Variants in TTC9C observed in about 807,000 individuals in gnomAD.
TTC9C encodes the protein tetratricopeptide repeat protein 9C.
In TTC9C, 15 loss-of-function variants were observed where a neutral mutation model predicts 22.5. The observed-to-expected ratio is 0.67, with a 90% CI of 0.45 to 1.03. The LOEUF (loss-of-function observed/expected upper bound fraction) is 1.03, where lower values mean the gene tolerates loss of function less well. Ranked by LOEUF, TTC9C falls within the 50% of genes least tolerant of loss-of-function variation. The pLI is 0.00. For missense variants in TTC9C, 244 were observed against 214.6 expected, an observed-to-expected ratio of 1.14 and a Z score of -0.86; for synonymous variants, 92 against 86.8, an observed-to-expected ratio of 1.06 and a Z score of -0.33.
chr11:62,734,625 T>C (rs1032433040), intron 1 of TTC9C, among the ~76,000 whole-genome samples: 1 of 150,528 alleles, frequency 6.6e-6, no homozygotes, highest in Admixed American at 6.6e-5. Flanking sequence ...GGAATACACT[T>C]CTTATAACAC....
At chr11:62,732,411 C>T (rs563802996) in intron 1 of TTC9C, among the ~76,000 whole-genome samples, 44 of 151,410 alleles carry the variant, frequency 2.9e-4, no homozygotes, top group South Asian at 6.3e-4. Flanking sequence ...GAGTTCAAGA[C>T]CAGCCTGACC....
chr11:62,732,972 CTT>C (rs143308039), intron 1 of TTC9C: 2,916 of 199,968 alleles, frequency 0.015, 1 homozygote, highest in South Asian at 0.036. Context: ...TATTCCTCCA[CTT>C]TTTTTTTTTT....
chr11:62,730,322 G>A (rs1205400024), intron 1 of TTC9C, among the ~76,000 whole-genome samples: 3 of 151,906 alleles, frequency 2.0e-5, no homozygotes, highest in Admixed American at 6.6e-5. Flanking sequence ...TGATTCGCCC[G>A]CCTCGGCCTC....
rs918506509 is a variant in TTC9C, at chr11:62,728,554, C to T, written c.-295C>T. ...GCCTTGCTTGAGTTCTTCGGAAAGTCTCATCCACCCCCACATCGCCTCTTT... is the reference window on the plus strand; with the variant it reads ...GCCTTGCTTGAGTTCTTCGGAAAGTTTCATCCACCCCCACATCGCCTCTTT... On this transcript the variant is annotated 5_prime_UTR_variant, in exon 1 of 3. Transcript: ENST00000316461. 3.8e-6 allele frequency: 2 copies of T among 528,576 alleles called. No individual in the cohort carries two copies. Among genetic ancestry groups the T allele is most frequent in the Non-Finnish European group, 7.3e-6 (2 of 274,796 alleles). The allele number at this position is 528,576 out of a possible 1,614,324, so 32.7% of individuals were successfully genotyped here.
intron 1 of TTC9C, among the ~76,000 whole-genome samples, chr11:62,732,601 A>G (rs1373324610): frequency 7.6e-6 from 1 of 131,500 alleles, no homozygotes; most frequent in Non-Finnish European, 1.6e-5. Flanking sequence ...AACAAGAGCA[A>G]AACTCCGTCT....
chr11:62,732,182 A>T (rs867144799), intron 1 of TTC9C, among the ~76,000 whole-genome samples: 30 of 150,968 alleles, frequency 2.0e-4, no homozygotes, highest in Middle Eastern at 3.4e-3. Context: ...TTTTTAGTAG[A>T]GACGGGGTTT....
chr11:62,738,164 A>G lies in TTC9C; in HGVS notation c.422-124A>G. On this transcript the variant is annotated intron_variant, in intron 2 of 2. Transcript: ENST00000316461. ...TTTACTATTGCATAGAATGGTTGCG[A>G]TATATTCAGATCTTGGAGAGATTTT... 3 of 543,238 alleles carry G rather than the reference A, an allele frequency of 5.5e-6. No individual in the cohort carries two copies. In the East Asian group the frequency reaches 8.9e-5, roughly 16 times the overall value. The allele number at this position is 543,238 out of a possible 1,614,324, so 33.7% of individuals were successfully genotyped here. A position where few individuals can be genotyped will look rare whatever the true frequency, so the allele number is the denominator to read the frequency against.
rs1178036796 is a variant in TTC9C at position 62,730,064 on chromosome 11, C to T, written c.238+978C>T. On this transcript the variant is annotated intron_variant, in intron 1 of 2. Coordinates refer to ENST00000316461, the MANE Select transcript of TTC9C (RefSeq NM_173810.4). The stretch of plus-strand genomic sequence containing the variant: ...ATATTCAGTGGGTCGTATAGCTTTT[C>T]CTCATTTTTCTTTTCCTTTTTCTTT... Among the ~76,000 whole-genome samples, 3 of 152,130 alleles carry T rather than the reference C, an allele frequency of 2.0e-5. No homozygotes were observed. The East Asian group carries it at 5.8e-4, about 29-fold the overall frequency.
intron 2 of TTC9C, chr11:62,735,995 T>C (rs965191114): frequency 6.6e-6 from 1 of 152,082 alleles, no homozygotes; most frequent in African/African-American, 2.4e-5. Context: ...CTCAGCACTT[T>C]GGGAGACCAA....
chr11:62,733,416 G>A (rs1590912382), intron 1 of TTC9C, among the ~76,000 whole-genome samples: 1 of 149,656 alleles, frequency 6.7e-6, no homozygotes, highest in South Asian at 2.1e-4. Flanking sequence ...GTGTAGATGC[G>A]AAGATTAAAC....
upstream of TTC9C, chr11:62,728,288 A>C (rs2134793461): frequency 2.9e-6 from 1 of 344,434 alleles, no homozygotes; most frequent in South Asian, 2.2e-5. Context: ...TGCAGCTGTG[A>C]CGCTTATGTG....
intron 1 of TTC9C, among the ~76,000 whole-genome samples, chr11:62,734,120 G>A (rs893097724): frequency 3.3e-5 from 5 of 151,844 alleles, no homozygotes; most frequent in East Asian, 1.9e-4. Flanking sequence ...CCAACATGGC[G>A]AAAACCCATC....
intron 2 of TTC9C, among the ~76,000 whole-genome samples, chr11:62,738,019 C>T (rs1205474641): frequency 6.6e-6 from 1 of 151,442 alleles, no homozygotes; most frequent in Non-Finnish European, 1.5e-5. Flanking sequence ...GGTGACAGAG[C>T]GAGACCCTGT....
Position 62,738,444 on chromosome 11 carries a change from A to G in TTC9C, c.*62A>G. On this transcript the variant is annotated 3_prime_UTR_variant, in exon 3 of 3. Coordinates refer to ENST00000316461, the MANE Select transcript of TTC9C (RefSeq NM_173810.4). ...GGACCATTAAACATGCATGAAGGAG[A>G]AATCTGAGCCTCAGCAAGAGAAATT... The G allele has an allele frequency of 8.4e-7, 1 of 1,195,264 alleles. No homozygotes were observed. The highest frequency in any genetic ancestry group is 1.2e-6 in the Non-Finnish European group (1 of 819,898). The allele number at this position is 1,195,264 out of a possible 1,614,324, so 74.0% of individuals were successfully genotyped here.
At position 62,728,835 on chromosome 11, in the gene TTC9C, C is replaced by A. The variant is rs144860482; in HGVS notation, c.-14C>A. On this transcript the variant is annotated 5_prime_UTR_variant, in exon 1 of 3. Transcript: ENST00000316461. Reference sequence around the variant, plus strand: ...CTTCACTTCCCAGTTCCGCAAGAACCGTGGGCGACAGTTATGGAGAAGCGT... The same window carrying A: ...CTTCACTTCCCAGTTCCGCAAGAACAGTGGGCGACAGTTATGGAGAAGCGT... The A allele has an allele frequency of 3.4e-4, 550 of 1,613,394 alleles. 3 individuals carry two copies. In the African/African-American group the frequency reaches 6.7e-3, roughly 20 times the overall value.
At chr11:62,733,171 C>T (rs1222564132) in intron 1 of TTC9C, 8 of 1,284,924 alleles carry the variant, frequency 6.2e-6, no homozygotes, top group South Asian at 1.3e-5. Flanking sequence ...GAACATTGAC[C>T]TGAATTGCCT....
At chr11:62,736,411 G>A (rs1024354202) in intron 2 of TTC9C, among the ~76,000 whole-genome samples, 4 of 151,830 alleles carry the variant, frequency 2.6e-5, no homozygotes, top group Admixed American at 2.0e-4. Flanking sequence ...TCAGCCGGGT[G>A]TGGCCGGGCG....
intron 1 of TTC9C, among the ~76,000 whole-genome samples, 189 bp from the exon 2 acceptor site, chr11:62,735,193 C>T (rs879031119): frequency 5.3e-5 from 8 of 152,162 alleles, no homozygotes; most frequent in Admixed American, 1.3e-4. Context: ...TGCACCTGGC[C>T]GATATGTGAA....
chr11:62,735,310 C>A, intron 1 of TTC9C, 72 bp from the exon 2 acceptor site: 2 of 1,576,318 alleles, frequency 1.3e-6, no homozygotes, highest in Non-Finnish European at 1.7e-6. Context: ...TCAGTACTGT[C>A]TTGAGCTGGC....
Sources: gnomAD v4.1 joint callset for allele counts (sites outside exome capture counted in the v4.1 genomes callset) on GRCh38, gnomAD v4.1.1 for gene constraint, MANE v1.5 for transcripts, NCBI Gene and HGNC (gene_info 2026-07-23, HGNC 2026-07-21) for gene names.